Variants in DGKG observed in about 807,000 individuals in gnomAD.
The protein encoded by DGKG is diacylglycerol kinase gamma.
DGKG carries 78 observed loss-of-function variants against 105.3 expected under a neutral mutation model. The observed-to-expected ratio is 0.74, with a 90% confidence interval of 0.62 to 0.89. The LOEUF is 0.89. Among genes scored for constraint, DGKG ranks in the 40% least tolerant of loss-of-function variants. The pLI is 0.00. For missense variants in DGKG, 958 were observed against 1,020.1 expected (o/e 0.94, Z 0.83); for synonymous variants, 346 against 367.1 (o/e 0.94, Z 0.66).
intron 24 of DGKG, among the ~76,000 whole-genome samples, chr3:186,154,382 C>T (rs1177971504): frequency 1.3e-5 from 2 of 152,068 alleles, no homozygotes; most frequent in Non-Finnish European, 2.9e-5. Context: ...GTGGCTCACA[C>T]CTGTAATCCT....
At chr3:186,228,458 C>T (rs1719960766) in intron 20 of DGKG, among the ~76,000 whole-genome samples, 1 of 152,204 alleles carries the variant, frequency 6.6e-6, no homozygotes. Flanking sequence ...GTAAGCCATT[C>T]CTTCATTAAT....
intron 17 of DGKG, among the ~76,000 whole-genome samples, chr3:186,255,245 T>C (rs1454764772): frequency 6.6e-6 from 1 of 152,258 alleles, no homozygotes; most frequent in Non-Finnish European, 1.5e-5. Flanking sequence ...CAGTGTTAGG[T>C]GCTCCGGCTC....
At chr3:186,293,617 G>T (rs1483581499) in intron 5 of DGKG, among the ~76,000 whole-genome samples, 2 of 152,212 alleles carry the variant, frequency 1.3e-5, no homozygotes, top group Non-Finnish European at 2.9e-5. Context: ...GACCCTGAAA[G>T]CCCTGCTCTT....
chr3:186,310,845 C>T (rs1307160674), intron 2 of DGKG, among the ~76,000 whole-genome samples: 1 of 152,176 alleles, frequency 6.6e-6, no homozygotes, highest in Non-Finnish European at 1.5e-5. Flanking sequence ...GTCCTAGTCA[C>T]CTTATATATT....
At chr3:186,176,491 G>C (rs1717083339) in intron 22 of DGKG, among the ~76,000 whole-genome samples, 1 of 152,188 alleles carries the variant, frequency 6.6e-6, no homozygotes, top group African/African-American at 2.4e-5. Flanking sequence ...AGTTGGAGGA[G>C]AGTCACGACA....
At chr3:186,209,633 A>G (rs906602118) in intron 21 of DGKG, among the ~76,000 whole-genome samples, 4 of 152,022 alleles carry the variant, frequency 2.6e-5, no homozygotes, top group African/African-American at 9.7e-5. Flanking sequence ...GTCTGCAGCA[A>G]CCACGTTTAG....
chr3:186,238,758 C>T (rs1042074210), intron 20 of DGKG, among the ~76,000 whole-genome samples: 3 of 152,172 alleles, frequency 2.0e-5, no homozygotes, highest in Non-Finnish European at 4.4e-5. Context: ...ATACATGGCT[C>T]GTATTCCTGC....
chr3:186,195,347 A>T (rs983402129), intron 21 of DGKG, among the ~76,000 whole-genome samples: 3 of 152,198 alleles, frequency 2.0e-5, no homozygotes, highest in Non-Finnish European at 2.9e-5. Context: ...GTTACTCTTT[A>T]AAAAATTCTT....
chr3:186,310,291 C>CAAAAAAAAAAAAAAAAA (rs1724476497), intron 2 of DGKG, among the ~76,000 whole-genome samples: 3 of 56,808 alleles, frequency 5.3e-5, no homozygotes, highest in Non-Finnish European at 1.2e-4. Flanking sequence ...AAAAAAAAAC[C>CAAAAAAAAAAAAAAAAA]ACACACACAC....
intron 13 of DGKG, among the ~76,000 whole-genome samples, chr3:186,265,657 CTTTTTTTTTTT>C (rs68014632): frequency 5.2e-5 from 4 of 77,378 alleles, no homozygotes; most frequent in African/African-American, 1.0e-4. Flanking sequence ...TTCTTCCTTT[CTTTTTTTTTTT>C]TTTTTTTTTT....
chr3:186,240,981 T>C (rs1259217429), intron 20 of DGKG, among the ~76,000 whole-genome samples: 2 of 152,144 alleles, frequency 1.3e-5, no homozygotes, highest in Non-Finnish European at 2.9e-5. Context: ...GGGCTGGAAG[T>C]ACACGTGTTC....
At chr3:186,193,040 A>G (rs1717981705) in intron 21 of DGKG, among the ~76,000 whole-genome samples, 3 of 152,212 alleles carry the variant, frequency 2.0e-5, no homozygotes, top group South Asian at 4.1e-4. Context: ...AGAGCAGGCA[A>G]TCCTCACTCT....
chr3:186,271,600 T>G (rs1722319907), intron 11 of DGKG, among the ~76,000 whole-genome samples: 1 of 152,224 alleles, frequency 6.6e-6, no homozygotes, highest in African/African-American at 2.4e-5. Flanking sequence ...CATCTTTATG[T>G]GCTTGAAGCT....
chr3:186,321,673 G>T (rs1725083365), intron 1 of DGKG, among the ~76,000 whole-genome samples: 1 of 152,240 alleles, frequency 6.6e-6, no homozygotes, highest in South Asian at 2.1e-4. Flanking sequence ...CATATGAGCA[G>T]TGCTGGATGA....
intron 16 of DGKG, 72 bp from the exon 17 acceptor site, chr3:186,258,011 G>C: frequency 8.9e-7 from 1 of 1,119,228 alleles, no homozygotes; most frequent in East Asian, 2.4e-5. Context: ...TGTTGAGTCA[G>C]AGTCTGCCCT....
intron 21 of DGKG, among the ~76,000 whole-genome samples, chr3:186,197,173 G>A (rs768033842): frequency 6.6e-5 from 10 of 152,218 alleles, no homozygotes; most frequent in Non-Finnish European, 1.3e-4. Context: ...TTTGAAGATG[G>A]AAGTAGTAAA....
At chr3:186,349,825 A>G (rs950785061) in intron 1 of DGKG, among the ~76,000 whole-genome samples, 6 of 152,086 alleles carry the variant, frequency 3.9e-5, no homozygotes, top group Non-Finnish European at 7.4e-5. Context: ...TTAAGCGTAC[A>G]GTTCAGTGTC....
chr3:186,202,723 A>G (rs574276201), intron 21 of DGKG, among the ~76,000 whole-genome samples: 1 of 152,342 alleles, frequency 6.6e-6, no homozygotes, highest in African/African-American at 2.4e-5. Flanking sequence ...TTCCAGAAAG[A>G]AATGTATTGT....
At position 186,284,610 on chromosome 3, in the gene DGKG, T is replaced by TC; in HGVS notation, c.594+49dup. ...GATTCTTCCTCTGCTTGCTCCCTGC[T>TC]CCCCCAGCCTTTCTCAGGTCCATGA... On this transcript the variant is annotated intron_variant, in intron 7 of 24. Coordinates refer to ENST00000265022, the MANE Select transcript of DGKG (RefSeq NM_001346.3). This position sits in a 1 kb window ranked among gnomAD's most constrained non-coding sequence, Gnocchi z 4.0. 6.7e-7 allele frequency: 1 copy of TC among 1,490,520 alleles called. No individual in the cohort carries two copies. Among genetic ancestry groups the TC allele is most frequent in the South Asian group, 1.1e-5 (1 of 88,482 alleles). The allele number at this position is 1,490,520 out of a possible 1,614,324, so 92.3% of individuals were successfully genotyped here.
Sources: gnomAD v4.1 joint callset for allele counts (sites outside exome capture counted in the v4.1 genomes callset) on GRCh38, gnomAD v4.1.1 for gene constraint, Gnocchi (gnomAD v3.1) non-coding constraint, MANE v1.5 for transcripts, NCBI Gene and HGNC (gene_info 2026-07-23, HGNC 2026-07-21) for gene names.